The following CLSTN2 variants were observed in gnomAD, a reference collection of about 807,000 sequenced individuals.
The protein encoded by CLSTN2 is calsyntenin-2.
CLSTN2 carries 48 observed loss-of-function variants against 101.2 expected under a neutral mutation model. The observed-to-expected ratio is 0.47, with a 90% CI of 0.38 to 0.60. The LOEUF (loss-of-function observed/expected upper bound fraction) is 0.60. CLSTN2 is among the 20% of genes least tolerant of loss of function. CLSTN2 has a pLI of 0.00. For missense variants in CLSTN2, 1,160 were observed against 1,238.2 expected, an observed-to-expected ratio of 0.94 and a Z score of 0.95; for synonymous variants, 481 against 463.6, an observed-to-expected ratio of 1.04 and a Z score of -0.48.
chr3:140,214,579 C>G (rs549705118), intron 2 of CLSTN2, among the ~76,000 whole-genome samples: 2 of 152,146 alleles, frequency 1.3e-5, no homozygotes, highest in African/African-American at 4.8e-5. Flanking sequence ...CTCCAAGTAA[C>G]CTGGTCACAC....
chr3:139,946,908 G>A (rs1576372640), intron 1 of CLSTN2, among the ~76,000 whole-genome samples: 2 of 152,328 alleles, frequency 1.3e-5, no homozygotes, highest in East Asian at 3.9e-4. Flanking sequence ...TGCATTATAA[G>A]AACTAGAAGA....
At chr3:140,414,808 A>G (rs189164745) in intron 4 of CLSTN2, among the ~76,000 whole-genome samples, 80 of 152,222 alleles carry the variant, frequency 5.3e-4, no homozygotes, top group Non-Finnish European at 7.1e-4. Flanking sequence ...GGCAGTTTTC[A>G]TAGTAACAGA....
intron 2 of CLSTN2, among the ~76,000 whole-genome samples, chr3:140,241,915 A>G (rs1372481527): frequency 7.3e-5 from 11 of 151,368 alleles, no homozygotes; most frequent in African/African-American, 2.4e-4. Context: ...ATATATATAT[A>G]TATATAATTT....
chr3:140,077,241 C>G (rs541900797), intron 1 of CLSTN2, among the ~76,000 whole-genome samples: 1 of 152,180 alleles, frequency 6.6e-6, no homozygotes, highest in East Asian at 1.9e-4. Context: ...CCAGTCCTAG[C>G]TCTCTTCTGG....
intron 2 of CLSTN2, among the ~76,000 whole-genome samples, chr3:140,258,646 T>G (rs2086623436): frequency 6.6e-6 from 1 of 152,242 alleles, no homozygotes; most frequent in Admixed American, 6.5e-5. Context: ...TATAACTTCC[T>G]TCTTATTAAT....
intron 2 of CLSTN2, among the ~76,000 whole-genome samples, chr3:140,224,979 T>G (rs1009408399): frequency 5.9e-5 from 9 of 152,230 alleles, no homozygotes; most frequent in Non-Finnish European, 1.0e-4. Context: ...GAAAAGGGCT[T>G]TCCCTGCTCC....
intron 2 of CLSTN2, among the ~76,000 whole-genome samples, chr3:140,298,399 T>C (rs2087023411): frequency 6.6e-6 from 1 of 152,180 alleles, no homozygotes; most frequent in African/African-American, 2.4e-5. Context: ...GAAATAACAA[T>C]AGTAATGATG....
chr3:140,290,525 A>G (rs1024000785), intron 2 of CLSTN2, among the ~76,000 whole-genome samples: 6 of 152,246 alleles, frequency 3.9e-5, no homozygotes, highest in African/African-American at 1.4e-4. Context: ...GAGGAAAAGG[A>G]GGAGGTAGGG....
intron 1 of CLSTN2, among the ~76,000 whole-genome samples, chr3:140,099,131 A>G (rs551304699): frequency 1.3e-5 from 2 of 152,282 alleles, no homozygotes; most frequent in East Asian, 3.9e-4. Flanking sequence ...ATTTTAATAG[A>G]AGAGTGAAAG....
At chr3:140,107,615 T>C (rs1015786105) in intron 1 of CLSTN2, among the ~76,000 whole-genome samples, 1 of 152,194 alleles carries the variant, frequency 6.6e-6, no homozygotes, top group Non-Finnish European at 1.5e-5. Flanking sequence ...CCCTGCCAGC[T>C]GAAGAAAATT....
At chr3:140,310,286 C>A (rs1169513959) in intron 2 of CLSTN2, among the ~76,000 whole-genome samples, 1 of 152,104 alleles carries the variant, frequency 6.6e-6, no homozygotes, top group East Asian at 1.9e-4. Flanking sequence ...CACCGCACCC[C>A]CTCCCCGCCC....
intron 2 of CLSTN2, among the ~76,000 whole-genome samples, chr3:140,388,774 G>A (rs1342089216): frequency 1.3e-5 from 2 of 152,194 alleles, no homozygotes; most frequent in Admixed American, 6.5e-5. Context: ...GCTATTAAGT[G>A]GTGAGAGCTG....
chr3:140,002,578 C>T (rs1297760520), intron 1 of CLSTN2, among the ~76,000 whole-genome samples: 1 of 151,946 alleles, frequency 6.6e-6, no homozygotes, highest in African/African-American at 2.4e-5. Flanking sequence ...GATCTCATTG[C>T]TTCATTTTTG....
In CLSTN2 at chr3:140,564,020, G is replaced by A. The variant is rs1211356581; in HGVS notation, c.2542G>A (p.Val848Met). The part of the protein sequence containing the change: ...IISVCMLVFV[V>M]AMGVYRVRIA... Reference sequence around the variant, plus strand: ...CTCCGTGTGCATGCTTGTGTTTGTCGTGGCCATGGGTGTGTACCGGGTCCG... The same window carrying A: ...CTCCGTGTGCATGCTTGTGTTTGTCATGGCCATGGGTGTGTACCGGGTCCG... The change falls in exon 16 of 17, where the codon GTG becomes ATG. Residue 848 changes from valine to methionine, a missense_variant. Coordinates refer to ENST00000458420, the MANE Select transcript of CLSTN2 (RefSeq NM_022131.3). The A allele has an allele frequency of 9.9e-6, 16 of 1,614,000 alleles. No homozygotes were observed. Among genetic ancestry groups the A allele is most frequent in the East Asian group, 6.7e-5 (3 of 44,886 alleles).
chr3:140,442,291 G>T (rs1249843828), intron 5 of CLSTN2, among the ~76,000 whole-genome samples: 1 of 152,080 alleles, frequency 6.6e-6, no homozygotes, highest in Non-Finnish European at 1.5e-5. Context: ...CCATTCACCT[G>T]CCCTAATCAC....
At chr3:140,400,679 AC>A (rs1288880026) in intron 2 of CLSTN2, among the ~76,000 whole-genome samples, 1 of 152,110 alleles carries the variant, frequency 6.6e-6, no homozygotes, top group Non-Finnish European at 1.5e-5. Context: ...AGCCTGGGTG[AC>A]AAACCAAGAC....
chr3:140,184,571 A>G (rs2010458888), intron 2 of CLSTN2, among the ~76,000 whole-genome samples: 1 of 152,162 alleles, frequency 6.6e-6, no homozygotes, highest in African/African-American at 2.4e-5. Flanking sequence ...ATGAGATTCT[A>G]GTAGAGACAC....
intron 2 of CLSTN2, among the ~76,000 whole-genome samples, chr3:140,269,432 A>G (rs1370020883): frequency 1.3e-5 from 2 of 152,222 alleles, no homozygotes; most frequent in South Asian, 4.1e-4. Flanking sequence ...TGGAACTCAG[A>G]TACATACCTG....
At chr3:139,997,062 A>AG (rs55936299) in intron 1 of CLSTN2, among the ~76,000 whole-genome samples, 29,072 of 148,676 alleles carry the variant, frequency 0.2, 3,259 homozygotes, top group Admixed American at 0.32. Flanking sequence ...AAAAAAAAAA[A>AG]AAAAGAAAAG....
Sources: gnomAD v4.1 joint callset for allele counts (sites outside exome capture counted in the v4.1 genomes callset) on GRCh38, gnomAD v4.1.1 for gene constraint, MANE v1.5 for transcripts, NCBI Gene and HGNC (gene_info 2026-07-23, HGNC 2026-07-21) for gene names.